Variants in DAB1 observed in about 807,000 individuals in gnomAD.
DAB1 encodes the protein DAB adaptor protein 1, also known as disabled homolog 1.
DAB1 carries 15 observed loss-of-function variants against 64.6 expected under a neutral mutation model. The observed-to-expected ratio is 0.23, with a 90% CI of 0.16 to 0.36. DAB1 has a LOEUF of 0.36. Ranked by LOEUF, DAB1 falls within the 10% of genes least tolerant of loss-of-function variation. DAB1 has a pLI of 1.00. For missense variants in DAB1, 596 were observed against 706.7 expected, an observed-to-expected ratio of 0.84 and a Z score of 1.78; for synonymous variants, 235 against 251.9, an observed-to-expected ratio of 0.93 and a Z score of 0.64.
intron 2 of DAB1, among the ~76,000 whole-genome samples, chr1:57,206,968 C>T (rs1323967489): frequency 3.3e-4 from 28 of 84,478 alleles, no homozygotes; most frequent in Middle Eastern, 0.01. Context: ...TCCTTCCTTC[C>T]TTTTTTTTTT....
chr1:58,005,708 C>A (rs1353198098), intron 5 of DAB1, among the ~76,000 whole-genome samples: 1 of 151,500 alleles, frequency 6.6e-6, no homozygotes. Context: ...CTTCAGGTCA[C>A]AGGAGCTTAA....
intron 5 of DAB1, among the ~76,000 whole-genome samples, chr1:58,125,134 T>C (rs1037920339): frequency 1.8e-4 from 28 of 152,304 alleles, no homozygotes; most frequent in African/African-American, 5.8e-4. Context: ...CATGGAATAT[T>C]AACTCACTGA....
intron 6 of DAB1, among the ~76,000 whole-genome samples, chr1:57,812,339 GAAAGAAAGAAAGA>G (rs1462516976): frequency 3.1e-4 from 42 of 135,598 alleles, no homozygotes; most frequent in South Asian, 7.2e-4. Flanking sequence ...AAAAAAAAAA[GAAAGAAAGAAAGA>G]AAAGAAAGAA....
At position 57,600,191 on chromosome 1, in the gene DAB1, T is replaced by G. The variant is rs77431800; in HGVS notation, n.625+49401A>C. ...GCCATGTCTGCATCCCCCAACAGGA[T>G]GCAAGCTCAGTGCAGACAGGAGCTA... On this transcript the variant is annotated intron_variant and non_coding_transcript_variant, in intron 7 of 20. Coordinates refer to the DAB1 transcript ENST00000485760. Among the ~76,000 whole-genome samples the G allele has an allele frequency of 8.5e-3, 1,287 of 152,292 alleles. 16 individuals carry two copies. The highest frequency in any genetic ancestry group is 0.03 in the African/African-American group (1,235 of 41,568).
At chr1:58,134,451 T>A (rs555378340) in intron 5 of DAB1, among the ~76,000 whole-genome samples, 2 of 151,952 alleles carry the variant, frequency 1.3e-5, no homozygotes, top group Non-Finnish European at 2.9e-5. Flanking sequence ...AGTTCCAACA[T>A]ACAAATTGTA....
At chr1:58,249,669 C>G (rs978487905) in intron 4 of DAB1, among the ~76,000 whole-genome samples, 1 of 152,154 alleles carries the variant, frequency 6.6e-6, no homozygotes, top group African/African-American at 2.4e-5. Flanking sequence ...CGCTGCCCAG[C>G]CAGCCAGAGT....
intron 4 of DAB1, among the ~76,000 whole-genome samples, chr1:57,126,740 C>A (rs926217564): frequency 3.3e-5 from 5 of 152,158 alleles, no homozygotes. Flanking sequence ...CAAATTCAGG[C>A]CTGCTAATGG....
At chr1:58,124,497 C>T (rs1453126009) in intron 5 of DAB1, among the ~76,000 whole-genome samples, 1 of 152,034 alleles carries the variant, frequency 6.6e-6, no homozygotes, top group Non-Finnish European at 1.5e-5. Flanking sequence ...CTGTGCTTTG[C>T]CAGGACACTG....
At chr1:57,882,550 T>C (rs1382774556) in intron 1 of DAB1, among the ~76,000 whole-genome samples, 2 of 152,224 alleles carry the variant, frequency 1.3e-5, no homozygotes, top group African/African-American at 4.8e-5. Context: ...CTTTTGTACA[T>C]AATAGGTGCC....
At chr1:57,993,640 C>A (rs959809085) in intron 5 of DAB1, among the ~76,000 whole-genome samples, 1 of 152,132 alleles carries the variant, frequency 6.6e-6, no homozygotes, top group Non-Finnish European at 1.5e-5. Flanking sequence ...AGAAATGACA[C>A]GGTTTTAGTG....
intron 4 of DAB1, among the ~76,000 whole-genome samples, chr1:58,243,511 G>GT (rs939747329): frequency 6.0e-5 from 9 of 150,968 alleles, no homozygotes; most frequent in Non-Finnish European, 8.9e-5. Context: ...TATGGCTGGG[G>GT]TTTTTTTTTA....
chr1:58,347,099 GT>G (rs11478219), intron 3 of DAB1, among the ~76,000 whole-genome samples: 2,264 of 114,384 alleles, frequency 0.02, 59 homozygotes, highest in African/African-American at 0.068. Flanking sequence ...GTTTTGTTTT[GT>G]TTTGTTTGTT....
At chr1:57,075,033 A>G (rs1250938934) in intron 4 of DAB1, among the ~76,000 whole-genome samples, 1 of 152,184 alleles carries the variant, frequency 6.6e-6, no homozygotes, top group African/African-American at 2.4e-5. Flanking sequence ...TGGGAGACAA[A>G]GATGTTCTTC....
intron 5 of DAB1, among the ~76,000 whole-genome samples, chr1:58,002,542 C>T (rs531053766): frequency 1.3e-5 from 2 of 152,244 alleles, no homozygotes; most frequent in South Asian, 2.1e-4. Flanking sequence ...GCTTATGGCT[C>T]TTTATCTGTG....
In DAB1 at chr1:57,324,313, C is replaced by T. The variant is rs116313333; in HGVS notation, c.-136-33147G>A. On this transcript the variant is annotated intron_variant, in intron 1 of 14. Coordinates refer to ENST00000371236, the MANE Select transcript of DAB1 (RefSeq NM_001365792.1). ...TTAATCGTTCACATTTTTCTCTCAT[C>T]TACCAGATATCCTAACTTAAGAAAG... is the stretch of plus-strand genomic sequence containing the variant. Among the ~76,000 whole-genome samples, 524 of 152,322 alleles carry T rather than the reference C, an allele frequency of 3.4e-3. 3 individuals are homozygous for T. The highest frequency in any genetic ancestry group is 0.011 in the African/African-American group (475 of 41,584).
intron 2 of DAB1, among the ~76,000 whole-genome samples, chr1:57,290,651 G>T (rs1254789270): frequency 6.6e-6 from 1 of 152,034 alleles, no homozygotes; most frequent in South Asian, 2.1e-4. Flanking sequence ...GAATAATGAA[G>T]AGCCATTACA....
chr1:57,901,353 C>A (rs551083144), intron 5 of DAB1, among the ~76,000 whole-genome samples: 19 of 152,204 alleles, frequency 1.2e-4, no homozygotes, highest in African/African-American at 4.1e-4. Flanking sequence ...TGTTCATTAG[C>A]GAGCTCCCCC....
At chr1:58,214,563 A>G (rs1279820577) in intron 4 of DAB1, among the ~76,000 whole-genome samples, 1 of 152,124 alleles carries the variant, frequency 6.6e-6, no homozygotes, top group African/African-American at 2.4e-5. Context: ...GAGTTCTGAA[A>G]AGTGGCCACT....
intron 2 of DAB1, among the ~76,000 whole-genome samples, chr1:57,197,912 T>G (rs2100251154): frequency 6.6e-6 from 1 of 152,034 alleles, no homozygotes; most frequent in Middle Eastern, 3.4e-3. Flanking sequence ...TATGGTTTGA[T>G]GGTGATGATT....
Sources: gnomAD v4.1 joint callset for allele counts (sites outside exome capture counted in the v4.1 genomes callset) on GRCh38, gnomAD v4.1.1 for gene constraint, MANE v1.5 for transcripts, NCBI Gene and HGNC (gene_info 2026-07-23, HGNC 2026-07-21) for gene names.